The following PLCL1 variants were observed in gnomAD, a reference collection of about 807,000 sequenced individuals.
The protein encoded by PLCL1 is inactive phospholipase C-like protein 1.
In PLCL1, 41 loss-of-function variants were observed where a neutral mutation model predicts 84.4. The ratio of observed to expected loss-of-function variants is 0.49; its 90% CI spans 0.38 to 0.63. The LOEUF (loss-of-function observed/expected upper bound fraction) is 0.63, where lower values mean the gene tolerates loss of function less well. Ranked by LOEUF, PLCL1 falls within the 30% of genes least tolerant of loss-of-function variation. The pLI is 0.00. For missense variants in PLCL1, 1,206 were observed against 1,367.8 expected (o/e 0.88, Z 1.87); for synonymous variants, 490 against 488.3 (o/e 1.00, Z -0.05).
chr2:197,909,582 G>C (rs1414402767), intron 1 of PLCL1, among the ~76,000 whole-genome samples: 1 of 152,150 alleles, frequency 6.6e-6, no homozygotes, highest in Admixed American at 6.6e-5. Context: ...AATCAAGGCA[G>C]TGGCTAATCT....
intron 1 of PLCL1, among the ~76,000 whole-genome samples, chr2:197,855,288 T>C (rs1346228173): frequency 6.6e-6 from 1 of 152,212 alleles, no homozygotes; most frequent in East Asian, 1.9e-4. Flanking sequence ...CTTTGCCCTT[T>C]TTCCTGGCAC....
At chr2:198,055,742 A>G (rs937155569) in intron 1 of PLCL1, among the ~76,000 whole-genome samples, 1 of 152,262 alleles carries the variant, frequency 6.6e-6, no homozygotes, top group Non-Finnish European at 1.5e-5. Context: ...AGGATTGTAT[A>G]GCCACCTTTA....
chr2:197,975,972 C>G (rs980150394), intron 1 of PLCL1, among the ~76,000 whole-genome samples: 2 of 152,196 alleles, frequency 1.3e-5, no homozygotes, highest in Non-Finnish European at 2.9e-5. Context: ...CCATACCTTC[C>G]TAGTACACTC....
intron 5 of PLCL1, among the ~76,000 whole-genome samples, chr2:198,125,781 C>G (rs1055164330): frequency 2.6e-5 from 4 of 152,006 alleles, no homozygotes; most frequent in Non-Finnish European, 5.9e-5. Context: ...TGATTTCTTT[C>G]TAGTACTAAA....
chr2:198,000,009 A>G (rs1052750955), intron 1 of PLCL1, among the ~76,000 whole-genome samples: 1 of 152,188 alleles, frequency 6.6e-6, no homozygotes, highest in Admixed American at 6.5e-5. Flanking sequence ...AAATATACAA[A>G]TTTCCACTTT....
chr2:197,922,089 AGT>A (rs1187783986), intron 1 of PLCL1, among the ~76,000 whole-genome samples: 1 of 122,066 alleles, frequency 8.2e-6, no homozygotes, highest in Non-Finnish European at 1.7e-5. Flanking sequence ...ATGGGACAAT[AGT>A]GGAGGGAAGG....
At chr2:198,040,825 A>G (rs889030064) in intron 1 of PLCL1, among the ~76,000 whole-genome samples, 2 of 152,176 alleles carry the variant, frequency 1.3e-5, no homozygotes, top group African/African-American at 2.4e-5. Context: ...CTTCTGCTAG[A>G]GTTTCATGTA....
At chr2:197,921,794 C>G (rs957892305) in intron 1 of PLCL1, among the ~76,000 whole-genome samples, 6 of 152,108 alleles carry the variant, frequency 3.9e-5, no homozygotes, top group African/African-American at 1.2e-4. Flanking sequence ...CCAGTTCACA[C>G]TGTTATTTCT....
rs551226621 is a variant in PLCL1, at chr2:197,898,861, G to A, written c.240+93522G>A. ...TAAGGATAATAATAGTATTTACTTC[G>A]AAAAGTTGTTGTATACACTGCATAC... On this transcript the variant is annotated intron_variant, in intron 1 of 5. Transcript: ENST00000428675. 2.3e-4 allele frequency among the ~76,000 whole-genome samples: 35 copies of A among 151,404 alleles called. No homozygotes were observed. The South Asian group carries it at 6.7e-3, about 29-fold the overall frequency.
intron 1 of PLCL1, among the ~76,000 whole-genome samples, chr2:198,006,926 G>A (rs1006431090): frequency 4.6e-5 from 7 of 152,126 alleles, no homozygotes; most frequent in Non-Finnish European, 1.0e-4. Flanking sequence ...TTAGGTGAGC[G>A]ATAGTCACCC....
intron 1 of PLCL1, among the ~76,000 whole-genome samples, chr2:198,065,262 C>A (rs999487058): frequency 6.6e-6 from 1 of 152,088 alleles, no homozygotes; most frequent in African/African-American, 2.4e-5. Flanking sequence ...AAAAAAACTT[C>A]TTTAGTCCAA....
chr2:198,082,044 A>T (rs900142499), intron 1 of PLCL1, among the ~76,000 whole-genome samples: 4 of 152,304 alleles, frequency 2.6e-5, no homozygotes, highest in African/African-American at 4.8e-5. Context: ...TATAACACCC[A>T]ATATCCTGGT....
At chr2:197,964,787 A>G (rs1176142409) in intron 1 of PLCL1, among the ~76,000 whole-genome samples, 1 of 152,094 alleles carries the variant, frequency 6.6e-6, no homozygotes, top group Non-Finnish European at 1.5e-5. Flanking sequence ...GAGAGTTTTT[A>G]TCATGAAGGG....
Position 197,826,688 on chromosome 2 carries a change from C to T in PLCL1, c.240+21349C>T, listed in dbSNP as rs556348283. On this transcript the variant is annotated intron_variant, in intron 1 of 5. Transcript: ENST00000428675. ...AGACTATATTTGCAATATAGAGATTCGAAGGTGAGGCAGACATGCACAATA... is the reference window on the plus strand; with the variant it reads ...AGACTATATTTGCAATATAGAGATTTGAAGGTGAGGCAGACATGCACAATA... Among the ~76,000 whole-genome samples, 15 of 152,130 alleles carry T rather than the reference C, an allele frequency of 9.9e-5. 1 individual carries two copies. The South Asian group carries it at 2.5e-3, about 25-fold the overall frequency.
intron 1 of PLCL1, among the ~76,000 whole-genome samples, chr2:197,998,175 A>ATGTGTGTGTGTGTGTG (rs58332002): frequency 3.6e-4 from 48 of 131,970 alleles, no homozygotes; most frequent in Admixed American, 5.3e-4. Flanking sequence ...GAATGGAGCT[A>ATGTGTGTGTGTGTGTG]TGTGTGTGTG....
chr2:198,043,566 C>T (rs1691717443), intron 1 of PLCL1, among the ~76,000 whole-genome samples: 1 of 152,110 alleles, frequency 6.6e-6, no homozygotes, highest in African/African-American at 2.4e-5. Context: ...TCAGGCAGGA[C>T]CATAGCGGAG....
intron 1 of PLCL1, among the ~76,000 whole-genome samples, chr2:197,826,065 A>G (rs1256975430): frequency 6.6e-6 from 1 of 152,170 alleles, no homozygotes; most frequent in Non-Finnish European, 1.5e-5. Flanking sequence ...ACCTGCCAGT[A>G]TTTCCTTCTC....
intron 5 of PLCL1, among the ~76,000 whole-genome samples, chr2:198,119,397 C>T (rs1693819710): frequency 6.6e-6 from 1 of 151,936 alleles, no homozygotes; most frequent in South Asian, 2.1e-4. Flanking sequence ...GATAGAAGGT[C>T]CTCTGTGATG....
chr2:197,922,549 T>G (rs1476665337), intron 1 of PLCL1, among the ~76,000 whole-genome samples: 3 of 128,698 alleles, frequency 2.3e-5, no homozygotes, highest in Admixed American at 7.9e-5. Flanking sequence ...GACGGGGTGG[T>G]GGCCGGGCAG....
Sources: allele counts gnomAD v4.1 joint callset (sites outside exome capture counted in the v4.1 genomes callset), GRCh38; gene constraint gnomAD v4.1.1; transcripts MANE v1.5; gene names NCBI Gene and HGNC (gene_info 2026-07-23, HGNC 2026-07-21).